Variants in AUTS2 observed in about 807,000 individuals in gnomAD.
AUTS2 encodes activator of transcription and developmental regulator AUTS2, also known as autism susceptibility gene 2 protein.
A neutral mutation model predicts 112.4 loss-of-function variants in AUTS2; 17 were observed. The ratio of observed to expected loss-of-function variants is 0.15; its 90% confidence interval spans 0.10 to 0.23. AUTS2 has a LOEUF of 0.23. Ranked by LOEUF, AUTS2 falls within the 10% of genes least tolerant of loss-of-function variation. The pLI is 1.00. For missense variants in AUTS2, 1,510 were observed against 1,701.6 expected (o/e 0.89, Z 1.98); for synonymous variants, 751 against 702.7 (o/e 1.07, Z -1.09).
intron 2 of AUTS2, among the ~76,000 whole-genome samples, chr7:70,040,051 G>A (rs1801178812): frequency 6.6e-6 from 1 of 152,188 alleles, no homozygotes; most frequent in South Asian, 2.1e-4. Context: ...ATGATCAGTG[G>A]TTGCTAGGAG....
At chr7:70,571,939 G>A (rs1021905375) in intron 5 of AUTS2, among the ~76,000 whole-genome samples, 45 of 152,278 alleles carry the variant, frequency 3.0e-4, no homozygotes, top group Admixed American at 9.2e-4. Context: ...AGCAGCTTTG[G>A]GGTATTAATG....
intron 1 of AUTS2, among the ~76,000 whole-genome samples, chr7:69,673,583 G>A (rs948686441): frequency 6.6e-6 from 1 of 152,226 alleles, no homozygotes; most frequent in Non-Finnish European, 1.5e-5. Flanking sequence ...GTTCACACAA[G>A]TTGCTTGTAA....
intron 4 of AUTS2, among the ~76,000 whole-genome samples, chr7:70,358,751 C>A (rs1380323472): frequency 6.6e-6 from 1 of 152,226 alleles, no homozygotes; most frequent in East Asian, 1.9e-4. Context: ...CAAGAAGGAT[C>A]CCCTTATGCA....
At chr7:70,775,475 A>G (rs1422613647) in intron 13 of AUTS2, 89 bp downstream of exon 13, 5 of 1,068,632 alleles carry the variant, frequency 4.7e-6, no homozygotes, top group African/African-American at 1.6e-5. Context: ...GAAATAAGCC[A>G]TAGAAATGTT....
chr7:69,894,883 A>G (rs1354873314), intron 1 of AUTS2, among the ~76,000 whole-genome samples: 1 of 152,216 alleles, frequency 6.6e-6, no homozygotes, highest in Non-Finnish European at 1.5e-5. Flanking sequence ...AAAATTCTTC[A>G]GGTAATTCTG....
At chr7:70,303,469 C>CAT (rs1323506192) in intron 4 of AUTS2, among the ~76,000 whole-genome samples, 5 of 151,912 alleles carry the variant, frequency 3.3e-5, no homozygotes, top group Admixed American at 1.3e-4. Context: ...CACACACACA[C>CAT]ACACAGTGCT....
intron 1 of AUTS2, among the ~76,000 whole-genome samples, chr7:69,692,861 T>G (rs1400456989): frequency 6.6e-6 from 1 of 152,250 alleles, no homozygotes; most frequent in Non-Finnish European, 1.5e-5. Flanking sequence ...ATGAAAAATG[T>G]AACAGGCTTC....
chr7:69,858,369 A>C (rs537500641), intron 1 of AUTS2, among the ~76,000 whole-genome samples: 1 of 152,238 alleles, frequency 6.6e-6, no homozygotes, highest in African/African-American at 2.4e-5. Context: ...TGAGTCATGC[A>C]CTGCTTTTTA....
At chr7:70,034,441 A>G (rs990467936) in intron 2 of AUTS2, among the ~76,000 whole-genome samples, 4 of 151,284 alleles carry the variant, frequency 2.6e-5, no homozygotes, top group African/African-American at 7.3e-5. Flanking sequence ...CTGAGGGAGG[A>G]AGGAAGGAAG....
intron 4 of AUTS2, among the ~76,000 whole-genome samples, chr7:70,180,597 G>A (rs1584841836): frequency 6.6e-6 from 1 of 152,044 alleles, no homozygotes; most frequent in African/African-American, 2.4e-5. Flanking sequence ...CTCTTAGGCC[G>A]GGCTTTTGGT....
chr7:70,390,644 A>G (rs1793809180), intron 4 of AUTS2, among the ~76,000 whole-genome samples: 1 of 151,976 alleles, frequency 6.6e-6, no homozygotes, highest in Non-Finnish European at 1.5e-5. Flanking sequence ...AAGTTTTAAG[A>G]TGCATTCATT....
intron 5 of AUTS2, among the ~76,000 whole-genome samples, chr7:70,475,847 G>A (rs2116032255): frequency 6.6e-6 from 1 of 152,226 alleles, no homozygotes; most frequent in African/African-American, 2.4e-5. Context: ...ACCAGCCTGG[G>A]CAACATAGTG....
At chr7:69,683,246 A>G (rs768731152) in intron 1 of AUTS2, among the ~76,000 whole-genome samples, 2 of 152,176 alleles carry the variant, frequency 1.3e-5, no homozygotes, top group Non-Finnish European at 2.9e-5. Flanking sequence ...GCTGGTTGCC[A>G]TGATGTCCTG....
chr7:70,175,714 C>T (rs1584833368), intron 4 of AUTS2, among the ~76,000 whole-genome samples: 1 of 152,168 alleles, frequency 6.6e-6, no homozygotes, highest in Non-Finnish European at 1.5e-5. Context: ...AATCCATCCA[C>T]CAGACTCAGG....
chr7:70,515,222 G>T (rs1462468528), intron 5 of AUTS2, among the ~76,000 whole-genome samples: 1 of 152,166 alleles, frequency 6.6e-6, no homozygotes, highest in Admixed American at 6.5e-5. Context: ...GATCAGATTT[G>T]CTATAGAAAG....
intron 2 of AUTS2, among the ~76,000 whole-genome samples, chr7:69,916,191 G>C (rs901640507): frequency 7.7e-4 from 118 of 152,288 alleles, no homozygotes; most frequent in African/African-American, 2.7e-3. Flanking sequence ...AATCCTGTTT[G>C]TTAGGAAGTG....
chr7:70,026,964 T>G (rs1800548662), intron 2 of AUTS2, among the ~76,000 whole-genome samples: 2 of 150,816 alleles, frequency 1.3e-5, no homozygotes, highest in African/African-American at 4.9e-5. Flanking sequence ...TATGATAGTT[T>G]TGGTGCAAAA....
At chr7:69,957,425 G>T (rs1429779192) in intron 2 of AUTS2, among the ~76,000 whole-genome samples, 1 of 151,986 alleles carries the variant, frequency 6.6e-6, no homozygotes, top group African/African-American at 2.4e-5. Flanking sequence ...ACCTTGTCCT[G>T]AATGGATGTT....
intron 4 of AUTS2, among the ~76,000 whole-genome samples, chr7:70,148,790 C>T (rs1807269394): frequency 6.6e-6 from 1 of 151,908 alleles, no homozygotes; most frequent in African/African-American, 2.4e-5. Flanking sequence ...TTTTCACTTA[C>T]AACTTTTAAA....
Sources: gnomAD v4.1 joint callset for allele counts (sites outside exome capture counted in the v4.1 genomes callset) on GRCh38, gnomAD v4.1.1 for gene constraint, MANE v1.5 for transcripts, NCBI Gene and HGNC (gene_info 2026-07-23, HGNC 2026-07-21) for gene names.